Variants in PISD observed in about 807,000 individuals in gnomAD.
The protein encoded by PISD is phosphatidylserine decarboxylase proenzyme, mitochondrial.
Under a neutral mutation model 43.5 loss-of-function variants are expected in PISD, and 31 were observed. The ratio of observed to expected loss-of-function variants is 0.71; its 90% confidence interval spans 0.54 to 0.96. The LOEUF (loss-of-function observed/expected upper bound fraction) is 0.96. Among genes scored for constraint, PISD ranks in the 40% least tolerant of loss-of-function variants. The pLI, the probability that PISD is intolerant of heterozygous loss-of-function variation, is 0.00. For missense variants in PISD, 523 were observed against 548.4 expected (o/e 0.95, Z 0.46); for synonymous variants, 259 against 228.7 (o/e 1.13, Z -1.20).
At chr22:31,643,875 C>G (rs774323633) in intron 3 of PISD, among the ~76,000 whole-genome samples, 1 of 152,042 alleles carries the variant, frequency 6.6e-6, no homozygotes, top group Non-Finnish European at 1.5e-5. Flanking sequence ...GGTGAAACCC[C>G]GTCTCTACTA....
chr22:31,621,660 G>A lies in PISD; in HGVS notation c.547C>T (p.Leu183=). 6.2e-7 allele frequency: 1 copy of A among 1,613,620 alleles called. No homozygotes were observed. Among genetic ancestry groups the A allele is most frequent in the Non-Finnish European group, 8.5e-7 (1 of 1,179,786 alleles). The change falls in exon 4 of 8, where the codon CTG becomes TTG. Residue 183 remains leucine, a synonymous_variant. Coordinates refer to ENST00000439502, the MANE Select transcript of PISD (RefSeq NM_001326411.2). ...LKPQARPVCG[L]HSVISPSDGR... The stretch of plus-strand genomic sequence containing the variant: ...GGGTCAGGCCTCACCACGCTGTGCA[G>A]GCCACAGACAGGCCGGGCCTGCGGC...
chr22:31,634,303 G>A (rs1450504862), intron 3 of PISD, among the ~76,000 whole-genome samples: 1 of 152,234 alleles, frequency 6.6e-6, no homozygotes, highest in East Asian at 1.9e-4. Context: ...GCAGGCATCA[G>A]CCTCCCCAAC....
chr22:31,662,116 C>G, intron 1 of PISD, 28 bp downstream of exon 1: 4 of 1,601,814 alleles, frequency 2.5e-6, no homozygotes, highest in Non-Finnish European at 3.4e-6. Flanking sequence ...GCCCCACGCC[C>G]CAAGGTAGTC....
rs35782790 is a variant in PISD at position 31,640,199 on chromosome 22, C to CTTTT, written c.321+7898_321+7901dup. Among the ~76,000 whole-genome samples the CTTTT allele has an allele frequency of 9.7e-3, 1,351 of 139,334 alleles. 10 individuals are homozygous for CTTTT. Among genetic ancestry groups the CTTTT allele is most frequent in the Middle Eastern group, 0.018 (5 of 274 alleles). 91.4% of individuals were successfully genotyped at this position (139,334 alleles called of 152,430 possible). On this transcript the variant is annotated intron_variant, in intron 3 of 7. Coordinates refer to ENST00000439502, the MANE Select transcript of PISD (RefSeq NM_001326411.2). ...CTTTCCAGAACACGATTTCAAGCTA[C>CTTTT]TTTTTTTTTTTTTTTTTGAGACAGA...
chr22:31,621,585 G>C lies in PISD; in HGVS notation c.558+64C>G, dbSNP rs567617597. ...CCTTCCAGATACGCTGGAGACCAGG[G>C]GGGCTGTGCTGGGGAGGCAGGAAAA... On this transcript the variant is annotated intron_variant, in intron 4 of 7. Coordinates refer to ENST00000439502, the MANE Select transcript of PISD (RefSeq NM_001326411.2). The C allele has an allele frequency of 2.6e-5, 42 of 1,596,604 alleles. No homozygotes were observed. The East Asian group carries it at 9.4e-4, about 36-fold the overall frequency.
At chr22:31,651,891 C>T (rs2147796690) in intron 1 of PISD, among the ~76,000 whole-genome samples, 1 of 152,198 alleles carries the variant, frequency 6.6e-6, no homozygotes, top group East Asian at 1.9e-4. Flanking sequence ...GTTGAGTTTC[C>T]CCTTAATCAA....
intron 3 of PISD, chr22:31,628,816 C>T (rs752621301): frequency 2.0e-5 from 20 of 985,248 alleles, no homozygotes; most frequent in Non-Finnish European, 2.3e-5. Context: ...CACCTAGGAG[C>T]GCGACGCAGC....
intron 3 of PISD, among the ~76,000 whole-genome samples, chr22:31,645,285 T>C (rs115154670): frequency 1.4e-3 from 218 of 151,890 alleles, no homozygotes; most frequent in African/African-American, 4.9e-3. Context: ...ACGCTTATAT[T>C]CCCAGCTACT....
At chr22:31,662,318 G>A (rs1263086079), upstream of PISD, 27 of 1,158,678 alleles carry the variant, frequency 2.3e-5, no homozygotes, top group African/African-American at 3.0e-5. Flanking sequence ...CGGGTTGGGG[G>A]CGGAGCCGAC....
chr22:31,656,792 A>G (rs2074192651), intron 1 of PISD, among the ~76,000 whole-genome samples: 1 of 151,922 alleles, frequency 6.6e-6, no homozygotes, highest in Admixed American at 6.6e-5. Flanking sequence ...TCCACACCAC[A>G]TGTGCCCCTT....
At chr22:31,646,530 C>G (rs2073892415) in intron 3 of PISD, among the ~76,000 whole-genome samples, 1 of 152,180 alleles carries the variant, frequency 6.6e-6, no homozygotes, top group Non-Finnish European at 1.5e-5. Context: ...TTGGAAGTGG[C>G]AGGTTTCTTC....
At position 31,650,748 on chromosome 22, in the gene PISD, G is replaced by A. The variant is rs1014921654; in HGVS notation, c.96C>T (p.Ser32=). The A allele has an allele frequency of 3.9e-6, 6 of 1,555,264 alleles. No individual in the cohort carries two copies. The South Asian group carries it at 7.1e-5, about 18-fold the overall frequency. Residue 32 remains serine, a synonymous_variant, in exon 2 of 8, where the codon AGC becomes AGT. Transcript: ENST00000439502. ...SLHPCEITAL[S]QSLQPLRKLP... is the part of the protein sequence containing the mutation. ...GCTTCCGTAAGGGCTGTAGGGATTG[G>A]CTCAGGGCAGTGATCTCACAGGGAT...
At chr22:31,645,670 G>A (rs1601423480) in intron 3 of PISD, among the ~76,000 whole-genome samples, 2 of 147,866 alleles carry the variant, frequency 1.4e-5, no homozygotes, top group East Asian at 2.1e-4. Context: ...GAGCCACCGC[G>A]CCCGGCCAGT....
rs750889368 is a variant in PISD, at chr22:31,619,640, C to T, written c.1202G>A (p.Arg401His). The T allele has an allele frequency of 2.7e-5, 44 of 1,614,134 alleles. 1 individual carries two copies. The highest frequency in any genetic ancestry group is 1.6e-4 in the Middle Eastern group (1 of 6,062). Residue 401 changes from arginine (R) to histidine (H), a missense_variant, in exon 8 of 8, where the codon CGC becomes CAC. Arg to His is a conservative substitution (Grantham distance 29). Coordinates refer to ENST00000439502, the MANE Select transcript of PISD (RefSeq NM_001326411.2). Reference sequence around the variant, plus strand: ...GAGCGAGCCCAGGGCTTCCCCAAAGCGGATTTTCTGTCCTGTTTTCAGCTG... The same window carrying T: ...GAGCGAGCCCAGGGCTTCCCCAAAGTGGATTTTCTGTCCTGTTTTCAGCTG... Reference protein sequence around the residue: ...NFQLKTGQKIRFGEALGSL With the variant: ...NFQLKTGQKIHFGEALGSL
Position 31,621,662 on chromosome 22 carries a change from C to A in PISD, c.545G>T (p.Gly182Val), listed in dbSNP as rs150663615. The A allele has an allele frequency of 1.2e-6, 2 of 1,613,552 alleles. No homozygotes were observed. The highest frequency in any genetic ancestry group is 2.7e-5 in the African/African-American group (2 of 74,940). Residue 182 changes from glycine (G) to valine (V), a missense_variant, in exon 4 of 8, where the codon GGC becomes GTC. Transcript: ENST00000439502. Reference protein sequence around the residue: ...KLKPQARPVCGLHSVISPSDG... With the variant: ...KLKPQARPVCVLHSVISPSDG... ...GTCAGGCCTCACCACGCTGTGCAGG[C>A]CACAGACAGGCCGGGCCTGCGGCTT...
In PISD at chr22:31,640,880, G is replaced by GTTTTGTTTTTTT. The variant is rs2073689743; in HGVS notation, c.321+7220_321+7221insAAAAAAACAAAA. Reference sequence around the variant, plus strand: ...ACAGGCATGAGCCACCACACCCGGTGTTTTTTTTTTTTTTTTTTTTTTTTG... The same window carrying GTTTTGTTTTTTT: ...ACAGGCATGAGCCACCACACCCGGTGTTTTGTTTTTTTTTTTTTTTTTTTTTTTTTTTTTTTG... On this transcript the variant is annotated intron_variant, in intron 3 of 7. Transcript: ENST00000439502. Among the ~76,000 whole-genome samples, 3 of 24,594 alleles carry GTTTTGTTTTTTT rather than the reference G, an allele frequency of 1.2e-4. 1 individual carries two copies. The highest frequency in any genetic ancestry group is 2.0e-4 in the Non-Finnish European group (3 of 15,250). 16.1% of individuals were successfully genotyped at this position (24,594 alleles called of 152,430 possible).
rs1250896031 is a variant in PISD at position 31,637,160 on chromosome 22, AAAAAATATATATATATATAT to A, written c.321+10921_321+10940del. Among the ~76,000 whole-genome samples, 127 of 23,364 alleles carry A rather than the reference AAAAAATATATATATATATAT, an allele frequency of 5.4e-3. 5 individuals are homozygous for A. Among genetic ancestry groups the A allele is most frequent in the Middle Eastern group, 0.053 (2 of 38 alleles). 15.3% of individuals were successfully genotyped at this position (23,364 alleles called of 152,430 possible). A position where few individuals can be genotyped will look rare whatever the true frequency, so the allele number is the denominator to read the frequency against. On this transcript the variant is annotated intron_variant, in intron 3 of 7. Coordinates refer to ENST00000439502, the MANE Select transcript of PISD (RefSeq NM_001326411.2). ...AAATAAATTAAAAAAAAAAAAAAAAAAAAAATATATATATATATATATATATATATATATATATATATATA... is the reference window on the plus strand; with the variant it reads ...AAATAAATTAAAAAAAAAAAAAAAAAATATATATATATATATATATATATA...
At chr22:31,621,540 C>G in intron 4 of PISD, 68 bp from the exon 5 acceptor site, 1 of 1,604,166 alleles carries the variant, frequency 6.2e-7, no homozygotes, top group African/African-American at 1.3e-5. Context: ...ACAGCCCCCA[C>G]CTCCCCTTGT....
Position 31,621,139 on chromosome 22 carries a change from G to A in PISD, c.701C>T (p.Ala234Val), listed in dbSNP as rs760199435. ...CTEDLPFPPA[A>V]SCDSFKNQLV... ...CTGGTTCTTGAAGGAGTCACACGAC[G>A]CGGCTGTGGAGTAGGAGCAGACGTG... The change falls in exon 6 of 8, where the codon GCG becomes GTG. Residue 234 changes from alanine to valine, a missense_variant. Transcript: ENST00000439502. The A allele has an allele frequency of 2.4e-5, 39 of 1,614,058 alleles. No individual in the cohort carries two copies. The highest frequency in any genetic ancestry group is 4.0e-5 in the African/African-American group (3 of 74,942).
Sources: allele counts gnomAD v4.1 joint callset (sites outside exome capture counted in the v4.1 genomes callset), GRCh38; gene constraint gnomAD v4.1.1; transcripts MANE v1.5; gene names NCBI Gene and HGNC (gene_info 2026-07-23, HGNC 2026-07-21).